The following APOL3 variants were observed in gnomAD, a reference collection of about 807,000 sequenced individuals.
APOL3 encodes the protein TNF-inducible protein CG12-1.
In APOL3, 14 loss-of-function variants were observed where a neutral mutation model predicts 11.6. That is an observed-to-expected ratio of 1.21 (90% CI 0.80 to 1.89). The LOEUF (loss-of-function observed/expected upper bound fraction) is 1.89. APOL3 is among the 40% of genes most tolerant of loss of function. The pLI, the probability that APOL3 is intolerant of heterozygous loss-of-function variation, is 0.00. For missense variants in APOL3, 483 were observed against 492.1 expected, an observed-to-expected ratio of 0.98 and a Z score of 0.17; for synonymous variants, 192 against 190.6, an observed-to-expected ratio of 1.01 and a Z score of -0.06.
rs1186775273 is a variant in APOL3, at chr22:36,154,426, C to T, written c.223+6243G>A. On this transcript the variant is annotated intron_variant, in intron 1 of 2. Coordinates refer to ENST00000349314, the Ensembl canonical transcript of APOL3. ...GAAAAGTATACAGAAAAGGCTAAAA[C>T]AGGGTACTTGAAATGCAAAGACTTA... 4 of 353,654 alleles carry T rather than the reference C, an allele frequency of 1.1e-5. No homozygotes were observed. The Admixed American group carries it at 1.6e-4, about 14-fold the overall frequency. 21.9% of individuals were successfully genotyped at this position (353,654 alleles called of 1,614,324 possible).
intron 1 of APOL3, chr22:36,159,318 A>T (rs132652): frequency 0.81 from 122,512 of 151,668 alleles, 50,016 homozygotes; most frequent in East Asian, 0.97. Flanking sequence ...TAACCCCCTA[A>T]GGCAGGTGAA....
intron 1 of APOL3, chr22:36,153,384 T>C (rs1043328004): frequency 1.5e-5 from 7 of 455,968 alleles, no homozygotes; most frequent in African/African-American, 1.4e-4. Context: ...ATGGGAGAAA[T>C]GTCAGCTTCA....
At chr22:36,161,627 G>C (rs1299603063), upstream of APOL3, 1 of 152,962 alleles carries the variant, frequency 6.5e-6, no homozygotes, top group Non-Finnish European at 1.5e-5. Context: ...CTCTTCAGCA[G>C]AGCCCACTGC....
At chr22:36,148,953 G>T in intron 1 of APOL3, 93 bp downstream of exon 2, 1 of 1,235,314 alleles carries the variant, frequency 8.1e-7, no homozygotes, top group African/African-American at 1.5e-5. Flanking sequence ...TGACCATCCG[G>T]GTTCCTCTGG....
chr22:36,140,464 G>A (rs2059947218), exon 3 of APOL3: 1 of 152,230 alleles, frequency 6.6e-6, no homozygotes, highest in African/African-American at 2.4e-5. Flanking sequence ...TATGAGTAAT[G>A]AGACTGTTTT....
chr22:36,149,514 A>C, intron 1 of APOL3: 1 of 647,176 alleles, frequency 1.5e-6, no homozygotes, highest in Non-Finnish European at 2.4e-6. Flanking sequence ...GTGATAACTA[A>C]TTGATAATAG....
intron 1 of APOL3, chr22:36,159,091 C>T (rs2013381650): frequency 6.6e-6 from 1 of 152,194 alleles, no homozygotes; most frequent in Non-Finnish European, 1.5e-5. Context: ...AATGTTCCGT[C>T]ATCTGAGCTC....
chr22:36,161,056 A>G, upstream of APOL3: 4 of 628,770 alleles, frequency 6.4e-6, no homozygotes, highest in Non-Finnish European at 1.1e-5. Context: ...CCTCCAGATT[A>G]CTCCCCACCC....
intron 1 of APOL3, among the ~76,000 whole-genome samples, chr22:36,152,054 G>A (rs566158741): frequency 2.0e-5 from 3 of 152,060 alleles, no homozygotes; most frequent in East Asian, 1.9e-4. Context: ...AGAAAAAGAC[G>A]TGAAAGAGAA....
intron 1 of APOL3, chr22:36,146,458 A>G (rs2060224522): frequency 6.6e-6 from 1 of 152,166 alleles, no homozygotes. Flanking sequence ...TTTTGTCAAG[A>G]GCAGCATTTT....
exon 1 of APOL3, chr22:36,166,084 G>A (rs2013852004): frequency 6.6e-6 from 1 of 152,200 alleles, no homozygotes; most frequent in South Asian, 2.1e-4. Flanking sequence ...CACATGCCCA[G>A]TAACACAAAA....
chr22:36,146,631 G>A (rs2060231707), intron 1 of APOL3, among the ~76,000 whole-genome samples: 1 of 151,846 alleles, frequency 6.6e-6, no homozygotes, highest in African/African-American at 2.4e-5. Context: ...TAGGATGGCA[G>A]CATTTTCAAT....
At chr22:36,162,490 A>G (rs2013753496), upstream of APOL3, among the ~76,000 whole-genome samples, 1 of 152,210 alleles carries the variant, frequency 6.6e-6, no homozygotes, top group Non-Finnish European at 1.5e-5. Flanking sequence ...TTTTAGTTAT[A>G]TAACCATAAA....
chr22:36,163,335 G>A (rs979997892), upstream of APOL3, among the ~76,000 whole-genome samples: 5 of 152,152 alleles, frequency 3.3e-5, no homozygotes, highest in South Asian at 2.1e-4. Context: ...AGCCGGGAAC[G>A]AAGGGTAGGC....
rs576585911 is a variant in APOL3 at position 36,141,299 on chromosome 22, T to G, written c.1110A>C (p.Ala370=). The change falls in exon 3 of 3, where the codon GCA becomes GCC. Residue 370 remains alanine (A), a synonymous_variant. Coordinates refer to ENST00000349314, the Ensembl canonical transcript of APOL3. ...CCTGCCGCCTCAGCTCCTCAGCAGA[T>G]GCAGACTTTGCCCCCTCATGCAAGT... The G allele has an allele frequency of 2.0e-5, 32 of 1,614,064 alleles. No homozygotes were observed. The South Asian group carries it at 2.7e-4, about 14-fold the overall frequency.
intron 2 of APOL3, among the ~76,000 whole-genome samples, 156 bp from the exon 4 acceptor site, chr22:36,142,214 T>C (rs2060023884): frequency 6.6e-6 from 1 of 152,220 alleles, no homozygotes; most frequent in Non-Finnish European, 1.5e-5. Flanking sequence ...AAATAATTTT[T>C]CCAAGGTTAA....
At chr22:36,158,742 C>A (rs992605796) in intron 1 of APOL3, among the ~76,000 whole-genome samples, 1 of 152,106 alleles carries the variant, frequency 6.6e-6, no homozygotes, top group Non-Finnish European at 1.5e-5. Context: ...CACTTGAACC[C>A]AGGAGGCGGA....
chr22:36,141,181 TG>T, exon 3 of APOL3: 1 of 1,604,440 alleles, frequency 6.2e-7, no homozygotes, highest in Non-Finnish European at 8.5e-7. Context: ...CCTCCCCTGC[TG>T]GCTGCACTGG....
exon 3 of APOL3, chr22:36,140,940 A>C: frequency 2.1e-6 from 1 of 469,346 alleles, no homozygotes. Context: ...GTCTAAAGGA[A>C]ATTTCTTCTT....
Sources: allele counts gnomAD v4.1 joint callset (sites outside exome capture counted in the v4.1 genomes callset), GRCh38; gene constraint gnomAD v4.1.1; transcripts MANE v1.5; gene names NCBI Gene and HGNC (gene_info 2026-07-23, HGNC 2026-07-21).